The following INSYN2B variants were observed in gnomAD, a reference collection of about 807,000 sequenced individuals.
INSYN2B encodes the protein protein INSYN2B.
A neutral mutation model predicts 41.2 loss-of-function variants in INSYN2B; 16 were observed. The observed-to-expected ratio is 0.39, with a 90% confidence interval of 0.26 to 0.59. The LOEUF is 0.59. Ranked by LOEUF, INSYN2B falls within the 20% of genes least tolerant of loss-of-function variation. The pLI is 0.57. For synonymous variants in INSYN2B, 245 were observed against 244.4 expected (o/e 1.00, Z -0.02); for missense variants, 608 against 646.4 (o/e 0.94, Z 0.64).
At chr5:169,967,097 G>A (rs1777329598) in intron 1 of INSYN2B, among the ~76,000 whole-genome samples, 1 of 152,336 alleles carries the variant, frequency 6.6e-6, no homozygotes, top group East Asian at 1.9e-4. Context: ...TAAGGAGAAA[G>A]TAGGACACTG....
intron 1 of INSYN2B, among the ~76,000 whole-genome samples, chr5:169,912,975 A>G (rs1231603502): frequency 2.0e-5 from 3 of 152,166 alleles, no homozygotes; most frequent in Admixed American, 2.0e-4. Context: ...ATAATTTTGT[A>G]TAGAATTTTC....
In INSYN2B at chr5:169,882,825, C is replaced by A. The variant is rs534029058; in HGVS notation, c.1074G>T (p.Thr358=). ...TGTCTGACTCGGTGGGGTTGTTTGC[C>A]GTCTGCTCCTGACACCCAGGGGCAG... The part of the protein sequence containing the change: ...SKSAPGCQEQ[T]ANNPTESDTL... Residue 358 remains threonine (T), a synonymous_variant, in exon 2 of 4, where the codon ACG becomes ACT. Coordinates refer to ENST00000377365, the MANE Select transcript of INSYN2B (RefSeq NM_001129891.3). The A allele has an allele frequency of 9.0e-6, 14 of 1,549,990 alleles. No homozygotes were observed. The highest frequency in any genetic ancestry group is 4.1e-5 in the African/African-American group (3 of 72,642).
intron 1 of INSYN2B, among the ~76,000 whole-genome samples, chr5:169,927,315 A>G (rs1214088393): frequency 6.6e-6 from 1 of 152,186 alleles, no homozygotes; most frequent in Non-Finnish European, 1.5e-5. Flanking sequence ...TTGTAATGCA[A>G]GGCAGAGTTC....
Position 169,883,916 on chromosome 5 carries a change from G to A in INSYN2B, c.-18C>T. The A allele has an allele frequency of 1.4e-6, 2 of 1,478,682 alleles. No homozygotes were observed. Among genetic ancestry groups the A allele is most frequent in the South Asian group, 1.4e-5 (1 of 72,398 alleles). The allele number at this position is 1,478,682 out of a possible 1,614,324, so 91.6% of individuals were successfully genotyped here. The stretch of plus-strand genomic sequence containing the variant: ...TGGGCCATTGAGCCTCAGTGGGAAG[G>A]ATCAGGACCATACACTTCTCCTAGG... On this transcript the variant is annotated 5_prime_UTR_variant, in exon 2 of 4. Transcript: ENST00000377365.
intron 1 of INSYN2B, among the ~76,000 whole-genome samples, chr5:169,896,362 A>T (rs1375929605): frequency 6.6e-6 from 1 of 152,080 alleles, no homozygotes; most frequent in African/African-American, 2.4e-5. Flanking sequence ...GGTGGACAAG[A>T]GCTTGCATTC....
At chr5:169,955,373 A>G (rs533807887) in intron 1 of INSYN2B, among the ~76,000 whole-genome samples, 2 of 152,232 alleles carry the variant, frequency 1.3e-5, no homozygotes, top group East Asian at 1.9e-4. Flanking sequence ...GGCATATTCA[A>G]TAAGTGTTAA....
intron 1 of INSYN2B, among the ~76,000 whole-genome samples, chr5:169,899,132 A>G (rs892366868): frequency 6.6e-6 from 1 of 152,220 alleles, no homozygotes. Flanking sequence ...GATATTAGAC[A>G]TGGTGCCAGG....
At chr5:169,950,313 G>A (rs951185031) in intron 1 of INSYN2B, among the ~76,000 whole-genome samples, 1 of 152,202 alleles carries the variant, frequency 6.6e-6, no homozygotes, top group Non-Finnish European at 1.5e-5. Context: ...TCATAGGGTT[G>A]TTTTAGGATT....
In INSYN2B at chr5:169,941,382, T is replaced by C. The variant is rs3860756; in HGVS notation, c.-919+38895A>G. Among the ~76,000 whole-genome samples the C allele has an allele frequency of 3.9e-3, 595 of 152,088 alleles. 8 individuals carry two copies. The highest frequency in any genetic ancestry group is 0.03 in the East Asian group (153 of 5,162). On this transcript the variant is annotated intron_variant, in intron 1 of 3. Coordinates refer to ENST00000377365, the MANE Select transcript of INSYN2B (RefSeq NM_001129891.3). ...GCCCCCAGGCCCAGCTAATTTTGTA[T>C]TTTTAGTAGAGACTGAGTTGGTCAG... is the stretch of plus-strand genomic sequence containing the variant.
chr5:169,927,500 T>C (rs936916559), intron 1 of INSYN2B, among the ~76,000 whole-genome samples: 3 of 152,172 alleles, frequency 2.0e-5, no homozygotes, highest in African/African-American at 7.2e-5. Context: ...AGAAGGATGT[T>C]TCATATAATT....
At chr5:169,926,441 A>G (rs1775460983) in intron 1 of INSYN2B, among the ~76,000 whole-genome samples, 2 of 152,132 alleles carry the variant, frequency 1.3e-5, no homozygotes, top group South Asian at 4.1e-4. Context: ...TGATCACATG[A>G]GCCTCGGATT....
intron 3 of INSYN2B, among the ~76,000 whole-genome samples, chr5:169,876,103 A>G (rs981034965): frequency 1.3e-5 from 2 of 151,852 alleles, no homozygotes; most frequent in Non-Finnish European, 2.9e-5. Flanking sequence ...TGACCACGGC[A>G]CTCTGACCTT....
intron 1 of INSYN2B, among the ~76,000 whole-genome samples, chr5:169,932,341 G>A (rs1167094106): frequency 2.0e-5 from 3 of 152,140 alleles, no homozygotes; most frequent in Non-Finnish European, 2.9e-5. Context: ...GAAGTGGTTG[G>A]AACTATACCC....
intron 1 of INSYN2B, among the ~76,000 whole-genome samples, chr5:169,930,315 T>C (rs893372082): frequency 2.0e-5 from 3 of 152,136 alleles, no homozygotes; most frequent in African/African-American, 2.4e-5. Context: ...TAACCACATA[T>C]GGGTGATGGT....
rs765704650 is a variant in INSYN2B at position 169,884,201 on chromosome 5, G to A, written c.-303C>T. On this transcript the variant is annotated 5_prime_UTR_variant, in exon 2 of 4. Coordinates refer to ENST00000377365, the MANE Select transcript of INSYN2B (RefSeq NM_001129891.3). ...AACATCTGATCTACCAAGAGAGCTG[G>A]TAGGCGGTTTATCAAGGGAGGCTGG... 1.7e-5 allele frequency: 4 copies of A among 229,678 alleles called. No homozygotes were observed. The highest frequency in any genetic ancestry group is 2.5e-5 in the Non-Finnish European group (3 of 119,548). The allele number at this position is 229,678 out of a possible 1,614,324, so 14.2% of individuals were successfully genotyped here.
At chr5:169,961,111 C>T (rs1777069931) in intron 1 of INSYN2B, among the ~76,000 whole-genome samples, 1 of 152,198 alleles carries the variant, frequency 6.6e-6, no homozygotes, top group African/African-American at 2.4e-5. Context: ...CAACCTGTTG[C>T]CCATTTGCAA....
At chr5:169,878,411 G>T (rs983590331) in intron 3 of INSYN2B, among the ~76,000 whole-genome samples, 1 of 152,150 alleles carries the variant, frequency 6.6e-6, no homozygotes, top group Non-Finnish European at 1.5e-5. Context: ...ATGCAGACCT[G>T]CATCAATTAC....
intron 1 of INSYN2B, among the ~76,000 whole-genome samples, chr5:169,900,877 G>A (rs261055): frequency 0.18 from 27,902 of 151,894 alleles, 3,950 homozygotes; most frequent in African/African-American, 0.4. Context: ...ATAAAACCCA[G>A]CAAATCATCG....
chr5:169,961,904 A>C (rs1777100218), intron 1 of INSYN2B, among the ~76,000 whole-genome samples: 1 of 143,710 alleles, frequency 7.0e-6, no homozygotes, highest in South Asian at 2.3e-4. Context: ...ACTTGAACCC[A>C]GGAGGCGGAG....
Sources: gnomAD v4.1 joint callset for allele counts (sites outside exome capture counted in the v4.1 genomes callset) on GRCh38, gnomAD v4.1.1 for gene constraint, MANE v1.5 for transcripts, NCBI Gene and HGNC (gene_info 2026-07-23, HGNC 2026-07-21) for gene names.